The following NPHP3 variants were observed in gnomAD, a reference collection of about 807,000 sequenced individuals.
NPHP3 encodes nephrocystin-3.
In NPHP3, 123 loss-of-function variants were observed where a neutral mutation model predicts 171.9. That is an observed-to-expected ratio of 0.72 (90% CI 0.62 to 0.83). The LOEUF (loss-of-function observed/expected upper bound fraction) is 0.83. Ranked by LOEUF, NPHP3 falls within the 40% of genes least tolerant of loss-of-function variation. The probability of loss-of-function intolerance (pLI) is 0.00; values close to 1 mark genes in which losing one functional copy is unlikely to be tolerated. For synonymous variants in NPHP3, 558 were observed against 579.2 expected (o/e 0.96, Z 0.52); for missense variants, 1,506 against 1,591.9 (o/e 0.95, Z 0.92).
At chr3:132,686,001 A>G in intron 23 of NPHP3, 1 of 383,700 alleles carries the variant, frequency 2.6e-6, no homozygotes, top group South Asian at 2.2e-5. Context: ...GTGAGCCGAG[A>G]TCACACCACT....
intron 26 of NPHP3, 50 bp from the exon 27 acceptor site, chr3:132,682,140 C>T: frequency 2.6e-6 from 4 of 1,519,588 alleles, no homozygotes; most frequent in Non-Finnish European, 3.7e-6. Context: ...AACCTCTTAC[C>T]AATTCAAAAT....
chr3:132,684,910 A>T, intron 23 of NPHP3, 116 bp from the exon 24 acceptor site: 1 of 1,276,400 alleles, frequency 7.8e-7, no homozygotes, highest in South Asian at 1.2e-5. Context: ...AGTTAAAATA[A>T]GAGATTCAGC....
intron 6 of NPHP3, among the ~76,000 whole-genome samples, chr3:132,708,705 A>G (rs1315479338): frequency 1.3e-5 from 2 of 152,216 alleles, no homozygotes; most frequent in Non-Finnish European, 2.9e-5. Context: ...ATCCAGGGCA[A>G]CAGCCAGGCT....
intron 6 of NPHP3, among the ~76,000 whole-genome samples, chr3:132,712,825 A>G (rs958950404): frequency 6.6e-6 from 1 of 152,070 alleles, no homozygotes; most frequent in African/African-American, 2.4e-5. Flanking sequence ...CTGTGTTCCA[A>G]TAAAACTTTA....
chr3:132,712,032 A>G (rs1443076510), intron 6 of NPHP3, among the ~76,000 whole-genome samples: 3 of 152,270 alleles, frequency 2.0e-5, no homozygotes, highest in Non-Finnish European at 4.4e-5. Context: ...TGGAAAGGTT[A>G]AATTTAGACA....
At chr3:132,696,915 A>G (rs1939468575) in intron 14 of NPHP3, 102 bp from the exon 15 acceptor site, 1 of 916,854 alleles carries the variant, frequency 1.1e-6, no homozygotes, top group Non-Finnish European at 1.8e-6. Context: ...CGACAGAAAT[A>G]ACACTATTGC....
At chr3:132,697,207 T>C (rs1296894938) in intron 14 of NPHP3, 53 bp downstream of exon 14, 1 of 1,205,326 alleles carries the variant, frequency 8.3e-7, no homozygotes. Flanking sequence ...CATAAGATGT[T>C]TCATAGGAAA....
chr3:132,715,953 TGTG>T (rs1940039069), intron 4 of NPHP3, among the ~76,000 whole-genome samples: 1 of 152,234 alleles, frequency 6.6e-6, no homozygotes, highest in Non-Finnish European at 1.5e-5. Flanking sequence ...CATAAAATCA[TGTG>T]GTGTTTGCAT....
chr3:132,721,267 C>T lies in NPHP3; in HGVS notation c.393+696G>A, dbSNP rs551197441. ...TATAATGGACCTGCTACATGGAGGG[C>T]ATGCAATAATTGCTTTTAGCGTAAA... On this transcript the variant is annotated intron_variant, in intron 1 of 26. Transcript: ENST00000337331. Among the ~76,000 whole-genome samples, 337 of 152,244 alleles carry T rather than the reference C, an allele frequency of 2.2e-3. 1 individual carries two copies. The highest frequency in any genetic ancestry group is 8.0e-3 in the African/African-American group (332 of 41,520).
chr3:132,688,357 C>T (rs1939212506), intron 21 of NPHP3, among the ~76,000 whole-genome samples: 1 of 152,104 alleles, frequency 6.6e-6, no homozygotes, highest in South Asian at 2.1e-4. Context: ...ATTTCTGGTT[C>T]CACATTTGGA....
chr3:132,712,920 T>C (rs962000002), intron 6 of NPHP3, among the ~76,000 whole-genome samples: 1 of 152,202 alleles, frequency 6.6e-6, no homozygotes, highest in African/African-American at 2.4e-5. Context: ...AATTAAGGTG[T>C]TGATCATATG....
At chr3:132,710,851 A>C (rs1314552325) in intron 6 of NPHP3, among the ~76,000 whole-genome samples, 1 of 152,162 alleles carries the variant, frequency 6.6e-6, no homozygotes, top group African/African-American at 2.4e-5. Flanking sequence ...CGAGAGGCAC[A>C]GTGCCTGTGC....
In NPHP3 at chr3:132,681,937, A is replaced by G. The variant is rs1219420083; in HGVS notation, c.3966T>C (p.Asn1322=). ...ACCTTTGTCCTTGCTGAAGGAAAACATTAGGAGAATGAGCTGTTTTTAAGC... is the reference window on the plus strand; with the variant it reads ...ACCTTTGTCCTTGCTGAAGGAAAACGTTAGGAGAATGAGCTGTTTTTAAGC... The part of the protein sequence containing the change: ...TFSLKTAHSP[N]VFLQQGQR The change falls in exon 27 of 27, where the codon AAT becomes AAC. Residue 1322 remains asparagine, a synonymous_variant. Transcript: ENST00000337331. The G allele has an allele frequency of 1.2e-6, 2 of 1,614,012 alleles. No homozygotes were observed. Among genetic ancestry groups the G allele is most frequent in the East Asian group, 2.2e-5 (1 of 44,860 alleles).
chr3:132,698,477 A>G (rs966241357), intron 13 of NPHP3, among the ~76,000 whole-genome samples: 5 of 146,242 alleles, frequency 3.4e-5, no homozygotes, highest in African/African-American at 1.0e-4. Flanking sequence ...GGGTTTCACC[A>G]TGTTGGCCAG....
intron 7 of NPHP3, 89 bp from the exon 8 acceptor site, chr3:132,705,903 G>T: frequency 1.4e-6 from 1 of 723,090 alleles, no homozygotes; most frequent in East Asian, 2.5e-5. Context: ...TATGTGACAG[G>T]AACTATTCTA....
At position 132,691,196 on chromosome 3, in the gene NPHP3, G is replaced by A. The variant is rs765630849; in HGVS notation, c.2566C>T (p.Leu856=). 5 of 1,609,024 alleles carry A rather than the reference G, an allele frequency of 3.1e-6. No homozygotes were observed. The highest frequency in any genetic ancestry group is 2.2e-5 in the South Asian group (2 of 90,998). Residue 856 remains leucine (L), a synonymous_variant, in exon 18 of 27, where the codon CTA becomes TTA. Coordinates refer to ENST00000337331, the MANE Select transcript of NPHP3 (RefSeq NM_153240.5). ...QKLINYFTLQ[L]SQDRVTWRSA... ...CAACAGGAACATTTACAATACCTTA[G>A]CTGCAAGGTGAAATAGTTGATTAGC...
intron 17 of NPHP3, among the ~76,000 whole-genome samples, chr3:132,692,023 A>C (rs1232275311): frequency 6.6e-6 from 1 of 152,222 alleles, no homozygotes; most frequent in Admixed American, 6.5e-5. Flanking sequence ...ATTATAATGA[A>C]GCTGCCCTAT....
In NPHP3 at chr3:132,681,805, A is replaced by G; in HGVS notation, c.*105T>C. On this transcript the variant is annotated 3_prime_UTR_variant, in exon 27 of 27. Transcript: ENST00000337331. ...TACAAATAGCAGTTAAATCACACGT[A>G]GTAAAATTTCGTACAACATTTTTTT... 1 of 932,778 alleles carries G rather than the reference A, an allele frequency of 1.1e-6. No individual in the cohort carries two copies. The highest frequency in any genetic ancestry group is 1.7e-6 in the Non-Finnish European group (1 of 578,016). 57.8% of individuals were successfully genotyped at this position (932,778 alleles called of 1,614,324 possible). A position where few individuals can be genotyped will look rare whatever the true frequency, so the allele number is the denominator to read the frequency against.
intron 20 of NPHP3, 44 bp from the exon 21 acceptor site, chr3:132,688,935 G>A (rs369719035): frequency 1.9e-6 from 3 of 1,613,716 alleles, no homozygotes; most frequent in African/African-American, 2.7e-5. Flanking sequence ...TGAGTGAAAT[G>A]CTGCAAGATC....
Sources: gnomAD v4.1 joint callset for allele counts (sites outside exome capture counted in the v4.1 genomes callset) on GRCh38, gnomAD v4.1.1 for gene constraint, MANE v1.5 for transcripts, NCBI Gene and HGNC (gene_info 2026-07-23, HGNC 2026-07-21) for gene names.